Variants in TMEM170B observed in about 807,000 individuals in gnomAD.
The protein encoded by TMEM170B is transmembrane protein 170B.
TMEM170B carries 6 observed loss-of-function variants against 13.0 expected under a neutral mutation model. That is an observed-to-expected ratio of 0.46 (90% CI 0.25 to 0.91). TMEM170B has a LOEUF of 0.91. TMEM170B is among the 40% of genes least tolerant of loss of function. The pLI is 0.17. For synonymous variants in TMEM170B, 61 were observed against 64.9 expected (o/e 0.94, Z 0.29); for missense variants, 138 against 165.2 (o/e 0.84, Z 0.90).
At chr6:11,555,565 G>A (rs149729797) in intron 1 of TMEM170B, among the ~76,000 whole-genome samples, 97 of 152,130 alleles carry the variant, frequency 6.4e-4, no homozygotes, top group African/African-American at 2.2e-3. Context: ...TTACATATAT[G>A]TTAAACCATT....
intron 1 of TMEM170B, among the ~76,000 whole-genome samples, chr6:11,564,647 T>G (rs1759712329): frequency 6.6e-6 from 1 of 152,188 alleles, no homozygotes; most frequent in Non-Finnish European, 1.5e-5. Flanking sequence ...TGACATTGAA[T>G]CTAAGGATGG....
chr6:11,539,893 A>T (rs1481163027), intron 1 of TMEM170B, among the ~76,000 whole-genome samples: 1 of 152,234 alleles, frequency 6.6e-6, no homozygotes, highest in Non-Finnish European at 1.5e-5. Flanking sequence ...TGGTTCCAGA[A>T]CACCACAATA....
At chr6:11,549,657 C>T (rs1216300005) in intron 1 of TMEM170B, among the ~76,000 whole-genome samples, 5 of 148,692 alleles carry the variant, frequency 3.4e-5, no homozygotes, top group Admixed American at 6.7e-5. Context: ...AGCGAGACTC[C>T]GTCTCAAAAA....
intron 1 of TMEM170B, among the ~76,000 whole-genome samples, chr6:11,544,787 A>G (rs924608445): frequency 1.1e-4 from 16 of 152,214 alleles, no homozygotes; most frequent in Non-Finnish European, 2.1e-4. Context: ...TGTGTCAGTT[A>G]TATGCTTCTG....
chr6:11,570,725 A>G (rs1040304480), intron 2 of TMEM170B, among the ~76,000 whole-genome samples: 51 of 152,274 alleles, frequency 3.3e-4, no homozygotes, highest in African/African-American at 1.2e-3. Flanking sequence ...AAAGAATAAA[A>G]GCTGTGCACA....
rs1218238227 is a variant in TMEM170B, at chr6:11,580,417, T to G, written c.*4856T>G. 2 of 152,172 alleles carry G rather than the reference T, an allele frequency of 1.3e-5. No homozygotes were observed. The highest frequency in any genetic ancestry group is 2.4e-5 in the African/African-American group (1 of 41,446). 9.4% of individuals were successfully genotyped at this position (152,172 alleles called of 1,614,324 possible). The stretch of plus-strand genomic sequence containing the variant: ...ATTTCTGAAATATTCTCAAACCACT[T>G]CACTCTTGACACTACAGATTTTTCT... On this transcript the variant is annotated 3_prime_UTR_variant, in exon 3 of 3. Transcript: ENST00000379426.
intron 1 of TMEM170B, among the ~76,000 whole-genome samples, chr6:11,552,017 G>A (rs111958020): frequency 6.6e-6 from 1 of 152,070 alleles, no homozygotes; most frequent in African/African-American, 2.4e-5. Context: ...CCAGGCCTGC[G>A]TATCAGAATC....
intron 1 of TMEM170B, among the ~76,000 whole-genome samples, chr6:11,539,163 T>C (rs1037038804): frequency 6.6e-6 from 1 of 152,234 alleles, no homozygotes; most frequent in Non-Finnish European, 1.5e-5. Context: ...GTGAAGAAAC[T>C]TCTGGTTTTG....
chr6:11,559,500 A>C (rs1192322201), intron 1 of TMEM170B, among the ~76,000 whole-genome samples: 1 of 152,178 alleles, frequency 6.6e-6, no homozygotes, highest in Non-Finnish European at 1.5e-5. Context: ...GATTTTAAAA[A>C]ATCATTTCAA....
At chr6:11,540,565 A>G (rs115272262) in intron 1 of TMEM170B, among the ~76,000 whole-genome samples, 1,588 of 152,276 alleles carry the variant, frequency 0.01, 28 homozygotes, top group African/African-American at 0.035. Context: ...GACCACACCT[A>G]TGGTTACTTC....
chr6:11,547,450 T>C (rs778089624), intron 1 of TMEM170B, among the ~76,000 whole-genome samples: 2 of 152,192 alleles, frequency 1.3e-5, no homozygotes, highest in Non-Finnish European at 2.9e-5. Flanking sequence ...GAGTTATTTA[T>C]GTTTTGTAAA....
chr6:11,538,332 C>G lies in TMEM170B; in HGVS notation c.55C>G (p.Leu19Val), dbSNP rs1217603750. The G allele has an allele frequency of 6.6e-6, 10 of 1,508,192 alleles. No homozygotes were observed. Among genetic ancestry groups the G allele is most frequent in the Non-Finnish European group, 8.8e-6 (10 of 1,133,256 alleles). 93.4% of individuals were successfully genotyped at this position (1,508,192 alleles called of 1,614,324 possible). ...GATCAACCTGTCGGTGCAGCAGGTC[C>G]TGAGCCTCTGGGCCCACGGGACGGT... ...SMINLSVQQV[L>V]SLWAHGTVLR... Residue 19 changes from leucine (L) to valine (V), a missense_variant, in exon 1 of 3, where the codon CTG (leucine) becomes GTG (valine). Leu to Val is a conservative substitution (Grantham distance 32, BLOSUM62 1). Transcript: ENST00000379426.
chr6:11,539,602 C>T (rs77500796), intron 1 of TMEM170B, among the ~76,000 whole-genome samples: 2,793 of 152,268 alleles, frequency 0.018, 37 homozygotes, highest in Middle Eastern at 0.054. Context: ...TTCATGCTAT[C>T]CTCACTTTTA....
intron 2 of TMEM170B, among the ~76,000 whole-genome samples, chr6:11,566,831 G>A (rs1481296099): frequency 6.6e-6 from 1 of 152,216 alleles, no homozygotes; most frequent in African/African-American, 2.4e-5. Flanking sequence ...CATGCGCAGT[G>A]TGTTTAAGAA....
intron 2 of TMEM170B, among the ~76,000 whole-genome samples, chr6:11,574,260 A>G (rs1162620493): frequency 1.3e-5 from 2 of 152,156 alleles, no homozygotes; most frequent in African/African-American, 2.4e-5. Flanking sequence ...TGGTAAGTAC[A>G]CTATTTTAAT....
At chr6:11,538,695 C>G (rs567871116) in intron 1 of TMEM170B, among the ~76,000 whole-genome samples, 1 of 152,208 alleles carries the variant, frequency 6.6e-6, no homozygotes, top group South Asian at 2.1e-4. Context: ...GAGCGCATTT[C>G]GCTTTTATTC....
At chr6:11,554,870 G>A (rs1040073694) in intron 1 of TMEM170B, among the ~76,000 whole-genome samples, 1 of 152,152 alleles carries the variant, frequency 6.6e-6, no homozygotes, top group Non-Finnish European at 1.5e-5. Flanking sequence ...TGTATTAAAT[G>A]TGGTTGCCAG....
At chr6:11,572,508 T>C (rs2113782477) in intron 2 of TMEM170B, among the ~76,000 whole-genome samples, 1 of 152,332 alleles carries the variant, frequency 6.6e-6, no homozygotes, top group East Asian at 1.9e-4. Flanking sequence ...TAAAATGAAA[T>C]ATCTTTCATA....
chr6:11,550,790 T>G (rs1290653144), intron 1 of TMEM170B, among the ~76,000 whole-genome samples: 1 of 152,182 alleles, frequency 6.6e-6, no homozygotes, highest in Non-Finnish European at 1.5e-5. Context: ...AGCCATGACT[T>G]GAAAAATTAC....
Sources: gnomAD v4.1 joint callset for allele counts (sites outside exome capture counted in the v4.1 genomes callset) on GRCh38, gnomAD v4.1.1 for gene constraint, MANE v1.5 for transcripts, NCBI Gene and HGNC (gene_info 2026-07-23, HGNC 2026-07-21) for gene names.